The following EML6 variants were observed in gnomAD, a reference collection of about 807,000 sequenced individuals.
The protein encoded by EML6 is echinoderm microtubule-associated protein-like 6.
A neutral mutation model predicts 240.1 loss-of-function variants in EML6; 154 were observed. That is an observed-to-expected ratio of 0.64 (90% CI 0.56 to 0.73). The LOEUF (loss-of-function observed/expected upper bound fraction) is 0.73. Ranked by LOEUF, EML6 falls within the 30% of genes least tolerant of loss-of-function variation. The pLI is 0.00. For missense variants in EML6, 2,964 were observed against 2,474.6 expected, an observed-to-expected ratio of 1.20 and a Z score of -4.20; for synonymous variants, 1,148 against 899.0, an observed-to-expected ratio of 1.28 and a Z score of -4.95.
At chr2:54,822,082 C>G (rs183268063) in intron 5 of EML6, among the ~76,000 whole-genome samples, 4 of 152,094 alleles carry the variant, frequency 2.6e-5, no homozygotes, top group Non-Finnish European at 4.4e-5. Context: ...GCAAAGATCT[C>G]TTGCAAATCC....
intron 21 of EML6, among the ~76,000 whole-genome samples, chr2:54,896,591 ATG>A (rs1207345479): frequency 3.9e-5 from 6 of 152,154 alleles, no homozygotes; most frequent in Non-Finnish European, 7.3e-5. Context: ...GGGGTGAAGG[ATG>A]TGTGTTCAGA....
chr2:54,808,036 C>T (rs1670589490), intron 2 of EML6, among the ~76,000 whole-genome samples: 1 of 152,074 alleles, frequency 6.6e-6, no homozygotes, highest in African/African-American at 2.4e-5. Context: ...GTTTTAGGGA[C>T]CCCCCCTGCT....
Position 54,882,872 on chromosome 2 carries a change from A to AAAAAAAAAAAAAAAAAAAAAG in EML6, c.2438+3234_2438+3235insAAAAAAAAAAAAAAAAAAGAA, listed in dbSNP as rs1345826141. ...GACTCCGTCTCAAAAAAAAAAAAAA[A>AAAAAAAAAAAAAAAAAAAAAG]AAGAAAGCTTAGGGACACACTAAGC... is the stretch of plus-strand genomic sequence containing the variant. On this transcript the variant is annotated intron_variant, in intron 17 of 41. Transcript: ENST00000356458. 3 of 126,156 alleles carry AAAAAAAAAAAAAAAAAAAAAG rather than the reference A, an allele frequency of 2.4e-5. No homozygotes were observed. In the South Asian group the frequency reaches 8.0e-4, roughly 34 times the overall value. 7.8% of individuals were successfully genotyped at this position (126,156 alleles called of 1,614,324 possible).
At chr2:54,874,665 A>G (rs2103943256) in intron 16 of EML6, among the ~76,000 whole-genome samples, 1 of 152,332 alleles carries the variant, frequency 6.6e-6, no homozygotes, top group South Asian at 2.1e-4. Context: ...TACGTGATTC[A>G]TTACCATAAA....
chr2:54,784,747 T>C (rs143831612), intron 2 of EML6, among the ~76,000 whole-genome samples: 59 of 152,346 alleles, frequency 3.9e-4, no homozygotes, highest in African/African-American at 1.4e-3. Context: ...GTTTGTTACA[T>C]AGGTAAATGT....
intron 8 of EML6, among the ~76,000 whole-genome samples, chr2:54,846,057 A>T (rs1312418573): frequency 3.9e-5 from 6 of 152,086 alleles, no homozygotes; most frequent in Admixed American, 2.0e-4. Context: ...TGTTGTGGGG[A>T]TGGGAATGTT....
At chr2:54,805,593 T>C (rs1670426110) in intron 2 of EML6, among the ~76,000 whole-genome samples, 1 of 151,506 alleles carries the variant, frequency 6.6e-6, no homozygotes, top group Non-Finnish European at 1.5e-5. Flanking sequence ...TTGGTGATTT[T>C]GTTGTTTTTT....
At chr2:54,962,352 G>C (rs534885217) in intron 35 of EML6, among the ~76,000 whole-genome samples, 171 bp from the exon 36 acceptor site, 1 of 152,082 alleles carries the variant, frequency 6.6e-6, no homozygotes, top group East Asian at 1.9e-4. Context: ...AACTTTTCTT[G>C]CAAAACTGTA....
chr2:54,810,882 C>T (rs905332572), intron 2 of EML6, among the ~76,000 whole-genome samples: 1 of 152,108 alleles, frequency 6.6e-6, no homozygotes, highest in African/African-American at 2.4e-5. Flanking sequence ...TCCTTGGTTT[C>T]CCCACTAAAA....
intron 7 of EML6, among the ~76,000 whole-genome samples, chr2:54,840,409 T>TA (rs2103646559): frequency 6.6e-6 from 1 of 152,400 alleles, no homozygotes; most frequent in East Asian, 1.9e-4. Context: ...AATGTATGTG[T>TA]ATATAGGTAC....
chr2:54,850,706 C>T (rs951049322), intron 10 of EML6, among the ~76,000 whole-genome samples: 7 of 151,982 alleles, frequency 4.6e-5, no homozygotes, highest in South Asian at 2.1e-4. Flanking sequence ...AGTCTGATGG[C>T]GAGAAGAGGG....
intron 28 of EML6, among the ~76,000 whole-genome samples, chr2:54,929,692 A>ACCTCCTCCTCCTCCTCCTCCT (rs67666233): frequency 7.0e-6 from 1 of 143,066 alleles, no homozygotes; most frequent in Admixed American, 7.3e-5. Flanking sequence ...AAGAAATGTA[A>ACCTCCTCCTCCTCCTCCTCCT]CCTCCTCCTC....
intron 24 of EML6, among the ~76,000 whole-genome samples, chr2:54,904,336 A>T (rs1024708936): frequency 6.6e-6 from 1 of 152,102 alleles, no homozygotes; most frequent in Non-Finnish European, 1.5e-5. Flanking sequence ...GACTCGGCTG[A>T]TGTTGAGAGT....
intron 2 of EML6, among the ~76,000 whole-genome samples, chr2:54,791,277 T>G (rs1236580207): frequency 1.3e-5 from 2 of 152,206 alleles, no homozygotes; most frequent in African/African-American, 4.8e-5. Flanking sequence ...CCTGCCGGTA[T>G]GCTCACGCAA....
intron 2 of EML6, among the ~76,000 whole-genome samples, chr2:54,812,624 A>G (rs1667905552): frequency 6.6e-6 from 1 of 152,148 alleles, no homozygotes; most frequent in Admixed American, 6.5e-5. Context: ...ATCGAACTAC[A>G]GAGAAAAATT....
In EML6 at chr2:54,954,255, G is replaced by A. The variant is rs555263796; in HGVS notation, c.4486+99G>A. ...GATCTGCCTCACTCCGAAGCCTGCCGTAGGCACTGACTGCTGCTGGGCAAG... is the reference window on the plus strand; with the variant it reads ...GATCTGCCTCACTCCGAAGCCTGCCATAGGCACTGACTGCTGCTGGGCAAG... On this transcript the variant is annotated intron_variant, in intron 32 of 41. Coordinates refer to ENST00000356458, the MANE Select transcript of EML6 (RefSeq NM_001039753.4). 72 of 1,083,998 alleles carry A rather than the reference G, an allele frequency of 6.6e-5. No homozygotes were observed. The South Asian group carries it at 8.7e-4, about 13-fold the overall frequency. The allele number at this position is 1,083,998 out of a possible 1,614,324, so 67.1% of individuals were successfully genotyped here.
intron 26 of EML6, among the ~76,000 whole-genome samples, chr2:54,922,355 C>G (rs1449108542): frequency 6.6e-6 from 1 of 152,080 alleles, no homozygotes; most frequent in Non-Finnish European, 1.5e-5. Flanking sequence ...CAGATATCAC[C>G]TCACACCTGT....
chr2:54,809,927 G>A (rs748197319), intron 2 of EML6, among the ~76,000 whole-genome samples: 2 of 98,790 alleles, frequency 2.0e-5, no homozygotes, highest in African/African-American at 3.6e-5. Flanking sequence ...TGCTGAAAGG[G>A]GTGGAGTTTC....
At chr2:54,757,480 T>TG in intron 2 of EML6, among the ~76,000 whole-genome samples, 1 of 151,484 alleles carries the variant, frequency 6.6e-6, no homozygotes, top group Non-Finnish European at 1.5e-5. Flanking sequence ...GGGGTGACCG[T>TG]GGGGTATGCA....
Sources: gnomAD v4.1 joint callset for allele counts (sites outside exome capture counted in the v4.1 genomes callset) on GRCh38, gnomAD v4.1.1 for gene constraint, MANE v1.5 for transcripts, NCBI Gene and HGNC (gene_info 2026-07-23, HGNC 2026-07-21) for gene names.